Variants in UNC5C observed in about 807,000 individuals in gnomAD.
UNC5C encodes the protein netrin receptor UNC5C.
Under a neutral mutation model 99.8 loss-of-function variants are expected in UNC5C, and 47 were observed. The ratio of observed to expected loss-of-function variants is 0.47; its 90% CI spans 0.37 to 0.60. The LOEUF is 0.60. Among genes scored for constraint, UNC5C ranks in the 20% least tolerant of loss-of-function variants. The pLI is 0.00. For synonymous variants in UNC5C, 487 were observed against 452.2 expected (o/e 1.08, Z -0.98); for missense variants, 1,062 against 1,165.9 (o/e 0.91, Z 1.30).
At chr4:95,459,277 T>A (rs778228154) in intron 1 of UNC5C, among the ~76,000 whole-genome samples, 1 of 152,182 alleles carries the variant, frequency 6.6e-6, no homozygotes, top group African/African-American at 2.4e-5. Context: ...TATTTTCATA[T>A]GGCATTGTGA....
At chr4:95,220,222 C>A in intron 7 of UNC5C, 46 bp from the exon 8 acceptor site, 2 of 1,558,758 alleles carry the variant, frequency 1.3e-6, no homozygotes, top group Non-Finnish European at 1.7e-6. Flanking sequence ...ATAGAAATTT[C>A]CCACAGTACA....
At chr4:95,192,681 G>A (rs1737201870) in intron 12 of UNC5C, among the ~76,000 whole-genome samples, 1 of 129,900 alleles carries the variant, frequency 7.7e-6, no homozygotes, top group Non-Finnish European at 1.7e-5. Flanking sequence ...CACCTCCTCT[G>A]TTCACCCTCC....
At chr4:95,541,167 A>G (rs967844690) in intron 1 of UNC5C, among the ~76,000 whole-genome samples, 4 of 152,202 alleles carry the variant, frequency 2.6e-5, no homozygotes, top group Non-Finnish European at 4.4e-5. Context: ...CTGCAGTTTC[A>G]ATTACCTGAG....
At chr4:95,474,639 C>T (rs1214383239) in intron 1 of UNC5C, among the ~76,000 whole-genome samples, 1 of 151,964 alleles carries the variant, frequency 6.6e-6, no homozygotes, top group Non-Finnish European at 1.5e-5. Flanking sequence ...AAAACTAATA[C>T]CTTTGGGACC....
chr4:95,325,989 C>G lies in UNC5C; in HGVS notation c.346+9421G>C, dbSNP rs1285649275. Among the ~76,000 whole-genome samples the G allele has an allele frequency of 2.0e-5, 3 of 152,140 alleles. No individual in the cohort carries two copies. In the East Asian group the frequency reaches 5.8e-4, roughly 29 times the overall value. On this transcript the variant is annotated intron_variant, in intron 2 of 15. Transcript: ENST00000453304. Reference sequence around the variant, plus strand: ...GTTATGGTAAAATTTAGGGAGACACCAGGCGCAGGGCCAAGAGCAAAGGTT... The same window carrying G: ...GTTATGGTAAAATTTAGGGAGACACGAGGCGCAGGGCCAAGAGCAAAGGTT...
At chr4:95,445,226 C>A (rs975488203) in intron 1 of UNC5C, among the ~76,000 whole-genome samples, 1 of 152,078 alleles carries the variant, frequency 6.6e-6, no homozygotes, top group African/African-American at 2.4e-5. Flanking sequence ...TTATTTTGTC[C>A]TTCCCTACTT....
intron 14 of UNC5C, among the ~76,000 whole-genome samples, chr4:95,179,384 G>C (rs1736509910): frequency 6.6e-6 from 1 of 152,172 alleles, no homozygotes; most frequent in Non-Finnish European, 1.5e-5. Context: ...AACTTAAGAG[G>C]TTATAAGATC....
chr4:95,178,243 A>G (rs939326141), intron 14 of UNC5C, among the ~76,000 whole-genome samples: 1 of 152,146 alleles, frequency 6.6e-6, no homozygotes, highest in African/African-American at 2.4e-5. Context: ...TGCACCTCTA[A>G]TAGTTATTCT....
chr4:95,454,242 G>A (rs73838872), intron 1 of UNC5C, among the ~76,000 whole-genome samples: 294 of 151,512 alleles, frequency 1.9e-3, no homozygotes, highest in African/African-American at 6.4e-3. Flanking sequence ...CTGACATGTC[G>A]CAAAAATTTA....
At chr4:95,449,359 C>T (rs139762449) in intron 1 of UNC5C, among the ~76,000 whole-genome samples, 12 of 152,120 alleles carry the variant, frequency 7.9e-5, no homozygotes, top group South Asian at 2.1e-4. Context: ...AAAATAATCA[C>T]GGACACTTAT....
At chr4:95,171,061 C>T (rs1736079862) in intron 14 of UNC5C, among the ~76,000 whole-genome samples, 1 of 152,138 alleles carries the variant, frequency 6.6e-6, no homozygotes, top group African/African-American at 2.4e-5. Context: ...TAAAACAGCA[C>T]AAATGCAAAA....
At position 95,384,461 on chromosome 4, in the gene UNC5C, A is replaced by G. The variant is rs1247096525; in HGVS notation, c.125-48830T>C. 2.0e-5 allele frequency among the ~76,000 whole-genome samples: 3 copies of G among 152,120 alleles called. No homozygotes were observed. In the East Asian group the frequency reaches 5.8e-4, roughly 29 times the overall value. On this transcript the variant is annotated intron_variant, in intron 1 of 15. Coordinates refer to ENST00000453304, the MANE Select transcript of UNC5C (RefSeq NM_003728.4). ...TTAGGTGGGAGTGTGTGTCCAGGGC[A>G]CTCTAAACACTCACCACGTTCCAGG...
At chr4:95,442,837 T>C (rs200612017) in intron 1 of UNC5C, among the ~76,000 whole-genome samples, 6 of 145,350 alleles carry the variant, frequency 4.1e-5, no homozygotes, top group Non-Finnish European at 6.0e-5. Context: ...CACACACACA[T>C]ACACACACAA....
intron 1 of UNC5C, 124 bp downstream of exon 1, chr4:95,548,610 G>T: frequency 8.9e-7 from 1 of 1,124,658 alleles, no homozygotes; most frequent in South Asian, 2.2e-5. Context: ...GTGGAATTTA[G>T]AGTGGTTTCC....
At chr4:95,401,651 A>G (rs941302161) in intron 1 of UNC5C, among the ~76,000 whole-genome samples, 2 of 152,168 alleles carry the variant, frequency 1.3e-5, no homozygotes, top group South Asian at 2.1e-4. Context: ...AACTCAACAT[A>G]TATGTTCAGC....
intron 1 of UNC5C, among the ~76,000 whole-genome samples, chr4:95,348,518 T>C (rs1360349799): frequency 2.0e-5 from 3 of 151,160 alleles, no homozygotes; most frequent in Admixed American, 1.3e-4. Context: ...CCTGTGTCCA[T>C]CCACAGATGA....
chr4:95,399,409 A>G (rs1745621702), intron 1 of UNC5C, among the ~76,000 whole-genome samples: 1 of 152,162 alleles, frequency 6.6e-6, no homozygotes, highest in Non-Finnish European at 1.5e-5. Flanking sequence ...AATGCAAAAG[A>G]TTGTTTCTCC....
intron 1 of UNC5C, among the ~76,000 whole-genome samples, chr4:95,524,287 C>T (rs1722440831): frequency 1.3e-5 from 2 of 152,118 alleles, no homozygotes; most frequent in African/African-American, 4.8e-5. Context: ...ACTGGTAGAG[C>T]CTCAGTGCCT....
At chr4:95,331,802 T>G (rs1356215012) in intron 2 of UNC5C, among the ~76,000 whole-genome samples, 1 of 152,132 alleles carries the variant, frequency 6.6e-6, no homozygotes, top group Non-Finnish European at 1.5e-5. Flanking sequence ...TATGTGTGTG[T>G]GGGTGTGTTA....
Sources: allele counts gnomAD v4.1 joint callset (sites outside exome capture counted in the v4.1 genomes callset), GRCh38; gene constraint gnomAD v4.1.1; transcripts MANE v1.5; gene names NCBI Gene and HGNC (gene_info 2026-07-23, HGNC 2026-07-21).